Variants in RCAN2 observed in about 807,000 individuals in gnomAD.
The protein encoded by RCAN2 is calcipressin-2.
In RCAN2, 9 loss-of-function variants were observed where a neutral mutation model predicts 23.6. The observed-to-expected ratio is 0.38, with a 90% CI of 0.23 to 0.67. The LOEUF is 0.67. Ranked by LOEUF, RCAN2 falls within the 30% of genes least tolerant of loss-of-function variation. The pLI, the probability that RCAN2 is intolerant of heterozygous loss-of-function variation, is 0.51. For synonymous variants in RCAN2, 109 were observed against 115.7 expected (o/e 0.94, Z 0.37); for missense variants, 273 against 302.3 (o/e 0.90, Z 0.72).
At chr6:46,451,343 A>C (rs1490952409) in intron 2 of RCAN2, among the ~76,000 whole-genome samples, 2 of 152,158 alleles carry the variant, frequency 1.3e-5, no homozygotes, top group Non-Finnish European at 2.9e-5. Context: ...GGCAGCCCCT[A>C]GTAATTAAAG....
chr6:46,317,761 G>A (rs552329539), intron 2 of RCAN2, among the ~76,000 whole-genome samples: 83 of 152,240 alleles, frequency 5.5e-4, no homozygotes, highest in Non-Finnish European at 9.6e-4. Context: ...CACCGCGCCC[G>A]GCCTATACCC....
At chr6:46,415,204 A>G (rs1440518671) in intron 2 of RCAN2, among the ~76,000 whole-genome samples, 1 of 152,182 alleles carries the variant, frequency 6.6e-6, no homozygotes, top group Admixed American at 6.5e-5. Context: ...CACTATCCAC[A>G]TGAGCAGAAC....
chr6:46,360,352 G>C lies in RCAN2; in HGVS notation c.225+96400C>G, dbSNP rs1006117649. ...TGGAGACCATGCTGGCTAACATGGT[G>C]AAATCCCATCTCTACTAAAAATACA... On this transcript the variant is annotated intron_variant, in intron 2 of 4. Transcript: ENST00000371374. Among the ~76,000 whole-genome samples the C allele has an allele frequency of 2.6e-5, 4 of 151,802 alleles. No individual in the cohort carries two copies. In the South Asian group the frequency reaches 8.3e-4, roughly 32 times the overall value.
chr6:46,325,632 G>A (rs530473327), intron 2 of RCAN2: 1 of 1,431,738 alleles, frequency 7.0e-7, no homozygotes, highest in Non-Finnish European at 9.1e-7. Flanking sequence ...CGCTCCCACT[G>A]CACGCAGCCC....
At chr6:46,302,782 G>T (rs1314627263) in intron 2 of RCAN2, among the ~76,000 whole-genome samples, 8 of 152,044 alleles carry the variant, frequency 5.3e-5, no homozygotes, top group Non-Finnish European at 1.0e-4. Context: ...GAGGCACTGT[G>T]CTCTGGGCTT....
rs893402690 is a variant in RCAN2, at chr6:46,270,460, T to C, written c.226-21564A>G. 1.0e-3 allele frequency among the ~76,000 whole-genome samples: 153 copies of C among 152,072 alleles called. 1 individual carries two copies. Among genetic ancestry groups the C allele is most frequent in the African/African-American group, 3.6e-3 (148 of 41,406 alleles). ...GTTGCAGCTGGCATCGTGGAGAAGGTGGGCCCCAGAGTCAGACTGAGCTTC... is the reference window on the plus strand; with the variant it reads ...GTTGCAGCTGGCATCGTGGAGAAGGCGGGCCCCAGAGTCAGACTGAGCTTC... On this transcript the variant is annotated intron_variant, in intron 2 of 4. Transcript: ENST00000371374.
At chr6:46,458,621 AAAT>A (rs1768116467) in intron 1 of RCAN2, among the ~76,000 whole-genome samples, 1 of 152,138 alleles carries the variant, frequency 6.6e-6, no homozygotes, top group Non-Finnish European at 1.5e-5. Context: ...ATGTTTTATT[AAAT>A]AATCTAAAAT....
At chr6:46,230,395 A>AG (rs1345958534) in intron 4 of RCAN2, among the ~76,000 whole-genome samples, 1 of 152,216 alleles carries the variant, frequency 6.6e-6, no homozygotes, top group Non-Finnish European at 1.5e-5. Context: ...AGAGGCAGGC[A>AG]GGCCTCCTTG....
At chr6:46,383,168 A>AGTGTGT (rs71305761) in intron 2 of RCAN2, among the ~76,000 whole-genome samples, 5,158 of 139,342 alleles carry the variant, frequency 0.037, 149 homozygotes, top group Non-Finnish European at 0.044. Flanking sequence ...CAGCCTGGGT[A>AGTGTGT]GTGTGTGTGT....
chr6:46,316,239 A>G (rs539554316), intron 2 of RCAN2, among the ~76,000 whole-genome samples: 29 of 152,316 alleles, frequency 1.9e-4, no homozygotes, highest in South Asian at 2.1e-4. Context: ...AATGAATGAC[A>G]TTACTTGCAT....
chr6:46,290,208 C>T (rs1043607484), intron 2 of RCAN2, among the ~76,000 whole-genome samples: 1 of 152,074 alleles, frequency 6.6e-6, no homozygotes, highest in Non-Finnish European at 1.5e-5. Context: ...TCAGCCTGTG[C>T]CCCAATACAG....
intron 2 of RCAN2, among the ~76,000 whole-genome samples, chr6:46,288,417 C>A (rs1762438544): frequency 6.6e-6 from 1 of 152,142 alleles, no homozygotes; most frequent in Non-Finnish European, 1.5e-5. Flanking sequence ...TGGCTGGCTG[C>A]CCCAGCTGCC....
intron 2 of RCAN2, among the ~76,000 whole-genome samples, chr6:46,388,089 G>T (rs1289523243): frequency 5.3e-5 from 8 of 151,390 alleles, no homozygotes; most frequent in South Asian, 4.2e-4. Context: ...AACATCACAC[G>T]CTGGGGCCTG....
intron 1 of RCAN2, among the ~76,000 whole-genome samples, chr6:46,477,490 C>T (rs1284047766): frequency 1.3e-5 from 2 of 152,186 alleles, no homozygotes; most frequent in Non-Finnish European, 2.9e-5. Context: ...AGCTATTTAA[C>T]TTCTTTGTGC....
intron 2 of RCAN2, among the ~76,000 whole-genome samples, chr6:46,300,436 G>T (rs1031270270): frequency 6.6e-6 from 1 of 151,766 alleles, no homozygotes; most frequent in East Asian, 1.9e-4. Flanking sequence ...TGATAGAAAT[G>T]GTATATAAAA....
chr6:46,333,157 T>C (rs1328864951), intron 2 of RCAN2, among the ~76,000 whole-genome samples: 2 of 151,104 alleles, frequency 1.3e-5, no homozygotes, highest in African/African-American at 2.4e-5. Flanking sequence ...GATGGGGTTG[T>C]TTTTTTTTCT....
At chr6:46,354,434 C>A (rs545458913) in intron 2 of RCAN2, among the ~76,000 whole-genome samples, 1 of 152,306 alleles carries the variant, frequency 6.6e-6, no homozygotes, top group African/African-American at 2.4e-5. Context: ...ATGTCAGTTT[C>A]TTGACTCTGA....
chr6:46,230,394 C>T (rs1765840089), intron 4 of RCAN2, among the ~76,000 whole-genome samples: 1 of 152,210 alleles, frequency 6.6e-6, no homozygotes, highest in Non-Finnish European at 1.5e-5. Context: ...CAGAGGCAGG[C>T]AGGCCTCCTT....
rs1474160361 is a variant in RCAN2, at chr6:46,298,282, G to A, written c.226-49386C>T. ...ACTCAGCCAAAAGTCACCCGTAGTT[G>A]TAAATATGACTGATTTTATGTGAGG... On this transcript the variant is annotated intron_variant, in intron 2 of 4. Transcript: ENST00000371374. Among the ~76,000 whole-genome samples, 7 of 152,064 alleles carry A rather than the reference G, an allele frequency of 4.6e-5. No individual in the cohort carries two copies. In the East Asian group the frequency reaches 7.7e-4, roughly 17 times the overall value.
Sources: gnomAD v4.1 joint callset for allele counts (sites outside exome capture counted in the v4.1 genomes callset) on GRCh38, gnomAD v4.1.1 for gene constraint, MANE v1.5 for transcripts, NCBI Gene and HGNC (gene_info 2026-07-23, HGNC 2026-07-21) for gene names.